ZNF808: variants seen among roughly 807,000 people sequenced by gnomAD.
ZNF808 encodes zinc finger protein 808.
ZNF808 carries 5 observed loss-of-function variants against 8.7 expected under a neutral mutation model. The observed-to-expected ratio is 0.58, with a 90% CI of 0.30 to 1.21. The LOEUF (loss-of-function observed/expected upper bound fraction) is 1.21. Among genes scored for constraint, ZNF808 ranks in the 50% most tolerant of loss-of-function variants. The pLI is 0.07. For missense variants in ZNF808, 1,103 were observed against 1,098.4 expected (o/e 1.00, Z -0.06); for synonymous variants, 380 against 366.0 (o/e 1.04, Z -0.44).
intron 1 of ZNF808, among the ~76,000 whole-genome samples, chr19:52,530,513 A>G (rs1199127692): frequency 6.6e-6 from 1 of 152,072 alleles, no homozygotes; most frequent in Non-Finnish European, 1.5e-5. Flanking sequence ...AAATACAAAA[A>G]TTAGCCAGGC....
At chr19:52,560,054 G>A (rs2059851398), downstream of ZNF808, among the ~76,000 whole-genome samples, 1 of 152,142 alleles carries the variant, frequency 6.6e-6, no homozygotes, top group African/African-American at 2.4e-5. Flanking sequence ...AGTAAGGATT[G>A]GCCGGGTGAG....
intron 3 of ZNF808, among the ~76,000 whole-genome samples, chr19:52,547,206 C>T (rs2059730599): frequency 6.6e-6 from 1 of 152,030 alleles, no homozygotes. Context: ...ACTTGGCCTC[C>T]TGAAGTGTTG....
chr19:52,541,634 G>A (rs1431578561), intron 2 of ZNF808, among the ~76,000 whole-genome samples: 1 of 151,820 alleles, frequency 6.6e-6, no homozygotes, highest in Non-Finnish European at 1.5e-5. Flanking sequence ...TCTGGGAGAG[G>A]TAGTGCTCAG....
chr19:52,527,824 C>G (rs988917063), intron 1 of ZNF808, 113 bp downstream of exon 1: 3 of 152,570 alleles, frequency 2.0e-5, no homozygotes, highest in African/African-American at 4.8e-5. Context: ...CTTCCTTCGC[C>G]CAGAGCAAAT....
At chr19:52,561,317 C>T (rs2123227156), downstream of ZNF808, among the ~76,000 whole-genome samples, 1 of 150,372 alleles carries the variant, frequency 6.7e-6, no homozygotes, top group South Asian at 2.1e-4. Context: ...ATACATGTTC[C>T]ATGTTGGTGT....
rs747335030 is a variant in ZNF808 at position 52,555,594 on chromosome 19, A to C, written c.2678A>C (p.His893Pro). The change falls in exon 5 of 5, where the codon CAT (histidine) becomes CCT (proline). Residue 893 changes from histidine to proline, a missense_variant. Coordinates refer to ENST00000359798, the MANE Select transcript of ZNF808 (RefSeq NM_001039886.4). ...AFSDRSTLIH[H>P]QAIHGIGKFD ...AGTGACCGGTCAACACTTATTCACC[A>C]TCAGGCAATTCATGGTATAGGGAAA... is the stretch of plus-strand genomic sequence containing the variant. The C allele has an allele frequency of 1.1e-5, 18 of 1,609,198 alleles. No homozygotes were observed. The highest frequency in any genetic ancestry group is 1.5e-5 in the Non-Finnish European group (18 of 1,177,740).
intron 2 of ZNF808, among the ~76,000 whole-genome samples, chr19:52,541,925 T>C (rs2059674701): frequency 6.6e-6 from 1 of 152,128 alleles, no homozygotes; most frequent in Non-Finnish European, 1.5e-5. Context: ...TTCCTTGCAG[T>C]CTGCACATCT....
chr19:52,530,046 C>T (rs2059547238), intron 1 of ZNF808, among the ~76,000 whole-genome samples: 1 of 151,696 alleles, frequency 6.6e-6, no homozygotes, highest in South Asian at 2.1e-4. Context: ...TGGCCCACCG[C>T]GTCTGGCCTA....
At chr19:52,557,231 G>A (rs1600047404), downstream of ZNF808, among the ~76,000 whole-genome samples, 1 of 150,826 alleles carries the variant, frequency 6.6e-6, no homozygotes, top group Non-Finnish European at 1.5e-5. Flanking sequence ...GGCCTCCCAA[G>A]GTGCTGGGAT....
In ZNF808 at chr19:52,535,262, C is replaced by T. The variant is rs754484735; in HGVS notation, c.-20+2253C>T. ...AGGAGAATTGCGTGAACCCGGGAGGCGGAGCTTGCAGTGAGCCAAAATCGT... is the reference window on the plus strand; with the variant it reads ...AGGAGAATTGCGTGAACCCGGGAGGTGGAGCTTGCAGTGAGCCAAAATCGT... On this transcript the variant is annotated intron_variant, in intron 2 of 4. Coordinates refer to ENST00000359798, the MANE Select transcript of ZNF808 (RefSeq NM_001039886.4). Among the ~76,000 whole-genome samples the T allele has an allele frequency of 8.6e-5, 11 of 128,464 alleles. No homozygotes were observed. In the South Asian group the frequency reaches 1.3e-3, roughly 15 times the overall value. 84.3% of individuals were successfully genotyped at this position (128,464 alleles called of 152,430 possible). A position where few individuals can be genotyped will look rare whatever the true frequency, so the allele number is the denominator to read the frequency against.
Position 52,556,283 on chromosome 19 carries a change from G to A in ZNF808, c.*655G>A, listed in dbSNP as rs927225079. ...GAAACCACCATGGCCAACAGATGTC[G>A]GCCACTTTCGCCATCCTGTTTTTTG... On this transcript the variant is annotated 3_prime_UTR_variant, in exon 5 of 5. Coordinates refer to ENST00000359798, the MANE Select transcript of ZNF808 (RefSeq NM_001039886.4). 7 of 164,466 alleles carry A rather than the reference G, an allele frequency of 4.3e-5. No individual in the cohort carries two copies. The highest frequency in any genetic ancestry group is 9.7e-5 in the African/African-American group (4 of 41,430). The allele number at this position is 164,466 out of a possible 1,614,324, so 10.2% of individuals were successfully genotyped here.
At chr19:52,544,490 C>G (rs1332465267) in intron 3 of ZNF808, among the ~76,000 whole-genome samples, 4 of 151,968 alleles carry the variant, frequency 2.6e-5, no homozygotes, top group Non-Finnish European at 5.9e-5. Context: ...ACCACCACAC[C>G]CAGCTAATTT....
Position 52,554,381 on chromosome 19 carries a change from C to A in ZNF808, c.1465C>A (p.Arg489Ser), listed in dbSNP as rs758287539. 1.9e-6 allele frequency: 3 copies of A among 1,612,498 alleles called. No homozygotes were observed. The highest frequency in any genetic ancestry group is 2.5e-6 in the Non-Finnish European group (3 of 1,179,508). The change falls in exon 5 of 5, where the codon CGC (arginine) becomes AGC (serine). Residue 489 changes from arginine to serine, a missense_variant. Physicochemically the swap from Arg to Ser is moderately radical, Grantham distance 110. Transcript: ENST00000359798. Reference protein sequence around the residue: ...GEKTYKCNECRKTFSRRSSLL... With the variant: ...GEKTYKCNECSKTFSRRSSLL... Reference sequence around the variant, plus strand: ...GAAAACTTACAAGTGTAATGAGTGTCGCAAGACCTTCAGCCGCAGGTCATC... The same window carrying A: ...GAAAACTTACAAGTGTAATGAGTGTAGCAAGACCTTCAGCCGCAGGTCATC...
chr19:52,541,738 C>T (rs750685936), intron 2 of ZNF808, among the ~76,000 whole-genome samples: 5 of 152,088 alleles, frequency 3.3e-5, no homozygotes, highest in South Asian at 4.2e-4. Flanking sequence ...ACTCAAATCA[C>T]CTTGAACCTT....
chr19:52,539,636 C>A (rs931520890), intron 2 of ZNF808, among the ~76,000 whole-genome samples: 58 of 140,188 alleles, frequency 4.1e-4, no homozygotes, highest in Admixed American at 3.6e-3. Flanking sequence ...TCACTGCAAC[C>A]TTTGCCTCTG....
Position 52,543,362 on chromosome 19 carries a change from C to T in ZNF808, c.63+15C>T. 2 of 1,611,298 alleles carry T rather than the reference C, an allele frequency of 1.2e-6. No individual in the cohort carries two copies. Among genetic ancestry groups the T allele is most frequent in the East Asian group, 2.2e-5 (1 of 44,872 alleles). On this transcript the variant is annotated intron_variant, in intron 3 of 4. Transcript: ENST00000359798. ...CTCTTCCTCAGGTGAAGTGATATTC[C>T]TCTGTGGATTAATCTGTCTCTTTCC...
rs2059830557 is a variant in ZNF808 at position 52,555,716 on chromosome 19, A to G, written c.*88A>G. On this transcript the variant is annotated 3_prime_UTR_variant, in exon 5 of 5. Transcript: ENST00000359798. ...TGATGAAGAGAAATCTTCTGAGTGT[A>G]ATAAATGTGGCATGTTTTTCAGACA... 1.2e-5 allele frequency: 18 copies of G among 1,526,596 alleles called. No individual in the cohort carries two copies. Among genetic ancestry groups the G allele is most frequent in the Non-Finnish European group, 1.4e-5 (16 of 1,127,604 alleles). 94.6% of individuals were successfully genotyped at this position (1,526,596 alleles called of 1,614,324 possible).
intron 4 of ZNF808, among the ~76,000 whole-genome samples, chr19:52,550,817 T>TTA (rs1454831806): frequency 2.0e-5 from 3 of 152,190 alleles, no homozygotes; most frequent in Admixed American, 6.5e-5. Flanking sequence ...CATATAAGTT[T>TTA]TATAGTACAT....
In ZNF808 at chr19:52,553,372, T is replaced by C. The variant is rs1445563486; in HGVS notation, c.456T>C (p.Ile152=). The change falls in exon 5 of 5, where the codon ATT becomes ATC. Residue 152 remains isoleucine (I), a synonymous_variant. Coordinates refer to ENST00000359798, the MANE Select transcript of ZNF808 (RefSeq NM_001039886.4). Reference sequence around the variant, plus strand: ...ACAGGCATGCTGGAAACAAGCCTATTAAAGATCAGCTTGGATCAAGCTTTT... The same window carrying C: ...ACAGGCATGCTGGAAACAAGCCTATCAAAGATCAGCTTGGATCAAGCTTTT... ...HDHRHAGNKP[I]KDQLGSSFYS... is the part of the protein sequence containing the mutation. 7.4e-6 allele frequency: 12 copies of C among 1,614,050 alleles called. No homozygotes were observed. The highest frequency in any genetic ancestry group is 1.0e-5 in the Non-Finnish European group (12 of 1,180,032).
Sources: allele counts gnomAD v4.1 joint callset (sites outside exome capture counted in the v4.1 genomes callset), GRCh38; gene constraint gnomAD v4.1.1; transcripts MANE v1.5; gene names NCBI Gene and HGNC (gene_info 2026-07-23, HGNC 2026-07-21).